TMEM135: variants seen among roughly 807,000 people sequenced by gnomAD.
The protein encoded by TMEM135 is transmembrane protein 135.
In TMEM135, 30 loss-of-function variants were observed where a neutral mutation model predicts 60.3. The ratio of observed to expected loss-of-function variants is 0.50; its 90% CI spans 0.37 to 0.68. The LOEUF is 0.68. Among genes scored for constraint, TMEM135 ranks in the 30% least tolerant of loss-of-function variants. TMEM135 has a pLI of 0.00. For missense variants in TMEM135, 468 were observed against 548.8 expected (o/e 0.85, Z 1.47); for synonymous variants, 190 against 186.7 (o/e 1.02, Z -0.14).
chr11:87,051,041 A>G (rs1346539878), intron 1 of TMEM135, among the ~76,000 whole-genome samples: 1 of 96,570 alleles, frequency 1.0e-5, no homozygotes. Flanking sequence ...ATTCCAGCAT[A>G]TAAACAGAGC....
intron 5 of TMEM135, among the ~76,000 whole-genome samples, chr11:87,223,537 T>G (rs1940693822): frequency 6.6e-6 from 1 of 152,072 alleles, no homozygotes; most frequent in South Asian, 2.1e-4. Flanking sequence ...GCTTTAAGTC[T>G]TCATTTAACT....
At chr11:87,169,727 C>T (rs1043268757) in intron 5 of TMEM135, among the ~76,000 whole-genome samples, 2 of 152,096 alleles carry the variant, frequency 1.3e-5, no homozygotes, top group Admixed American at 1.3e-4. Flanking sequence ...TCTGGCTGCC[C>T]TTAACATATT....
rs1479109136 is a variant in TMEM135 at position 87,325,649 on chromosome 11, C to T, written c.*4316C>T. The T allele has an allele frequency of 4.4e-6, 2 of 453,902 alleles. No individual in the cohort carries two copies. Among genetic ancestry groups the T allele is most frequent in the East Asian group, 7.0e-5 (1 of 14,356 alleles). 28.1% of individuals were successfully genotyped at this position (453,902 alleles called of 1,614,324 possible). Reference sequence around the variant, plus strand: ...AAGCCAGCCGTTCAAGTGAGAGGCTCTGGAGTGATCATAACGGTGATAACA... The same window carrying T: ...AAGCCAGCCGTTCAAGTGAGAGGCTTTGGAGTGATCATAACGGTGATAACA... On this transcript the variant is annotated 3_prime_UTR_variant, in exon 15 of 15. Transcript: ENST00000305494.
rs193094538 is a variant in TMEM135, at chr11:87,244,832, T to G, written c.509+8148T>G. On this transcript the variant is annotated intron_variant, in intron 6 of 14. Coordinates refer to ENST00000305494, the MANE Select transcript of TMEM135 (RefSeq NM_022918.4). ...GGATTCATTAATTTTTTGAAGGGTT[T>G]TTTGTGTCTCTGTTTCCTTCAGTTC... Among the ~76,000 whole-genome samples the G allele has an allele frequency of 2.3e-3, 346 of 150,394 alleles. 1 individual carries two copies. Among genetic ancestry groups the G allele is most frequent in the African/African-American group, 7.0e-3 (286 of 40,866 alleles).
chr11:87,304,048 G>A (rs938417301), intron 8 of TMEM135, among the ~76,000 whole-genome samples: 2 of 152,082 alleles, frequency 1.3e-5, no homozygotes, highest in East Asian at 3.8e-4. Context: ...TTGACAGTAC[G>A]GTTGATATCA....
At chr11:87,130,832 A>G (rs975025324) in intron 4 of TMEM135, among the ~76,000 whole-genome samples, 2 of 152,066 alleles carry the variant, frequency 1.3e-5, no homozygotes, top group African/African-American at 4.8e-5. Flanking sequence ...GTTAAATTCA[A>G]ATTATTGGAG....
In TMEM135 at chr11:87,071,519, T is replaced by C; in HGVS notation, c.270-4T>C. 1 of 1,613,584 alleles carries C rather than the reference T, an allele frequency of 6.2e-7. No individual in the cohort carries two copies. The highest frequency in any genetic ancestry group is 1.1e-5 in the South Asian group (1 of 91,076). On this transcript the variant is annotated splice_polypyrimidine_tract_variant and splice_region_variant and intron_variant, in intron 2 of 14. Coordinates refer to ENST00000305494, the MANE Select transcript of TMEM135 (RefSeq NM_022918.4). ...CATACAAAAATTCCAAATTTGAATT[T>C]CAGGAAGATACTTGGAAAATTCTAC...
chr11:87,277,191 G>T, intron 6 of TMEM135: 1 of 265,122 alleles, frequency 3.8e-6, no homozygotes, highest in South Asian at 3.1e-5. Flanking sequence ...GAGTGCAGTG[G>T]TGTGATCTCA....
At chr11:87,210,411 T>C (rs1940338283) in intron 5 of TMEM135, among the ~76,000 whole-genome samples, 1 of 152,036 alleles carries the variant, frequency 6.6e-6, no homozygotes, top group Admixed American at 6.5e-5. Context: ...CTAGGAAACC[T>C]AGATGAAATG....
chr11:87,217,528 G>A (rs569665508), intron 5 of TMEM135, among the ~76,000 whole-genome samples: 47 of 152,328 alleles, frequency 3.1e-4, no homozygotes, highest in Non-Finnish European at 4.9e-4. Context: ...GCTCCTGCCT[G>A]TAATCTCAGC....
chr11:87,256,302 G>C (rs1358229639), intron 6 of TMEM135, among the ~76,000 whole-genome samples: 1 of 151,992 alleles, frequency 6.6e-6, no homozygotes, highest in Non-Finnish European at 1.5e-5. Flanking sequence ...TTAGGCTTGA[G>C]ATATAAATAT....
At chr11:87,078,037 A>T (rs751170285) in intron 3 of TMEM135, among the ~76,000 whole-genome samples, 1 of 152,230 alleles carries the variant, frequency 6.6e-6, no homozygotes, top group African/African-American at 2.4e-5. Context: ...TTGCTACACT[A>T]AACATTTGTG....
intron 5 of TMEM135, among the ~76,000 whole-genome samples, chr11:87,213,258 C>T (rs1304793293): frequency 1.3e-5 from 2 of 152,116 alleles, no homozygotes; most frequent in African/African-American, 4.8e-5. Context: ...TGCTAAGAGC[C>T]AAACTGATGC....
chr11:87,249,488 C>A (rs1382234593), intron 6 of TMEM135, among the ~76,000 whole-genome samples: 1 of 151,796 alleles, frequency 6.6e-6, no homozygotes, highest in African/African-American at 2.4e-5. Flanking sequence ...ATGTTATTTT[C>A]TTCTGCTAAT....
rs1359709081 is a variant in TMEM135, at chr11:87,325,575, G to A, written c.*4242G>A. On this transcript the variant is annotated 3_prime_UTR_variant, in exon 15 of 15. Transcript: ENST00000305494. ...CCACCTTGTCCATTCTCTGCTTGCT[G>A]GTGTTACTTTATGTTAACTAGTCTC... 3 of 453,736 alleles carry A rather than the reference G, an allele frequency of 6.6e-6. No individual in the cohort carries two copies. Among genetic ancestry groups the A allele is most frequent in the South Asian group, 4.7e-5 (3 of 64,454 alleles). The allele number at this position is 453,736 out of a possible 1,614,324, so 28.1% of individuals were successfully genotyped here. A position where few individuals can be genotyped will look rare whatever the true frequency, so the allele number is the denominator to read the frequency against.
chr11:87,071,480 CCAA>C (rs1856771947), intron 2 of TMEM135, 40 bp from the exon 3 acceptor site: 1 of 1,474,414 alleles, frequency 6.8e-7, no homozygotes, highest in East Asian at 2.3e-5. Flanking sequence ...ACTGAAGTGA[CCAA>C]CTAGGAATTT....
intron 6 of TMEM135, among the ~76,000 whole-genome samples, chr11:87,266,665 A>G (rs571912786): frequency 1.3e-5 from 2 of 152,240 alleles, no homozygotes; most frequent in Non-Finnish European, 2.9e-5. Context: ...GCTATCAGAC[A>G]TGAATGAACC....
intron 5 of TMEM135, among the ~76,000 whole-genome samples, chr11:87,181,662 A>G (rs946396448): frequency 6.6e-6 from 1 of 152,184 alleles, no homozygotes; most frequent in Non-Finnish European, 1.5e-5. Flanking sequence ...TGATACTAAT[A>G]ATGGATACAT....
At chr11:87,248,823 T>C (rs1941352623) in intron 6 of TMEM135, among the ~76,000 whole-genome samples, 1 of 152,144 alleles carries the variant, frequency 6.6e-6, no homozygotes, top group South Asian at 2.1e-4. Context: ...TGTAGAGATC[T>C]TCCATTTCTT....
Sources: allele counts gnomAD v4.1 joint callset (sites outside exome capture counted in the v4.1 genomes callset), GRCh38; gene constraint gnomAD v4.1.1; transcripts MANE v1.5; gene names NCBI Gene and HGNC (gene_info 2026-07-23, HGNC 2026-07-21).